Variants in ALKBH5 observed in about 807,000 individuals in gnomAD.
ALKBH5 encodes the protein RNA demethylase ALKBH5.
In ALKBH5, 2 loss-of-function variants were observed where a neutral mutation model predicts 32.1. The ratio of observed to expected loss-of-function variants is 0.06; its 90% confidence interval spans 0.03 to 0.20. The LOEUF is 0.20. Ranked by LOEUF, ALKBH5 falls within the 10% of genes least tolerant of loss-of-function variation. The pLI is 1.00. For missense variants in ALKBH5, 352 were observed against 559.5 expected, an observed-to-expected ratio of 0.63 and a Z score of 3.74; for synonymous variants, 300 against 231.7, an observed-to-expected ratio of 1.29 and a Z score of -2.68.
Position 18,185,028 on chromosome 17 carries a change from T to TGGA in ALKBH5, c.770+18_770+20dup. On this transcript the variant is annotated intron_variant, in intron 1 of 3. Transcript: ENST00000399138. ...ACTGTGCTCAGGTAACCCACCCGGG[T>TGGA]GGAGGGGGCGGCCCTGCGCCTGCTG... The TGGA allele has an allele frequency of 1.3e-6, 2 of 1,598,534 alleles. No individual in the cohort carries two copies. Among genetic ancestry groups the TGGA allele is most frequent in the Non-Finnish European group, 1.7e-6 (2 of 1,174,186 alleles).
chr17:18,185,371 C>G (rs1220517783), intron 1 of ALKBH5, among the ~76,000 whole-genome samples: 1 of 150,650 alleles, frequency 6.6e-6, no homozygotes, highest in Non-Finnish European at 1.5e-5. Flanking sequence ...TTCTGGCCTT[C>G]CATTTACAAA....
chr17:18,201,818 T>TAGAC (rs2047241226), intron 2 of ALKBH5, among the ~76,000 whole-genome samples: 1 of 80,242 alleles, frequency 1.2e-5, no homozygotes, highest in South Asian at 3.5e-4. Context: ...GATAGATAGA[T>TAGAC]AGATAGATAG....
chr17:18,206,560 A>C (rs1450668832), intron 2 of ALKBH5: 4 of 405,364 alleles, frequency 9.9e-6, no homozygotes, highest in African/African-American at 6.1e-5. Context: ...CCCCTAGGGT[A>C]GCACAGCCTG....
chr17:18,201,631 A>G (rs2047236564), intron 2 of ALKBH5, among the ~76,000 whole-genome samples: 1 of 152,082 alleles, frequency 6.6e-6, no homozygotes, highest in Admixed American at 6.6e-5. Context: ...GGTAGCATGC[A>G]TCTGTAGTCC....
chr17:18,197,533 G>C (rs1240239650), intron 2 of ALKBH5, among the ~76,000 whole-genome samples: 2 of 152,204 alleles, frequency 1.3e-5, no homozygotes. Context: ...TCCCATAATA[G>C]CTTATTTTGG....
intron 2 of ALKBH5, among the ~76,000 whole-genome samples, chr17:18,206,375 T>A (rs1412869337): frequency 2.0e-5 from 3 of 152,190 alleles, no homozygotes; most frequent in Admixed American, 6.5e-5. Context: ...GCTCTGGCTC[T>A]CTTTCTCTCC....
In ALKBH5 at chr17:18,184,513, C is replaced by T. The variant is rs565584986; in HGVS notation, c.270C>T (p.Arg90=). ...EEARKVKSGI[R]QMRLFSQDEC... ...CGCGCAAGGTGAAGAGCGGCATCCG[C>T]CAGATGCGCCTCTTCAGCCAGGACG... is the stretch of plus-strand genomic sequence containing the variant. The change falls in exon 1 of 4, where the codon CGC becomes CGT. Residue 90 remains arginine, a synonymous_variant. Coordinates refer to ENST00000399138, the MANE Select transcript of ALKBH5 (RefSeq NM_017758.4). The T allele has an allele frequency of 1.9e-6, 3 of 1,613,140 alleles. No homozygotes were observed. Among genetic ancestry groups the T allele is most frequent in the African/African-American group, 2.7e-5 (2 of 75,060 alleles).
chr17:18,192,258 C>T (rs987295530), intron 1 of ALKBH5, among the ~76,000 whole-genome samples: 2 of 152,184 alleles, frequency 1.3e-5, no homozygotes, highest in African/African-American at 4.8e-5. Flanking sequence ...TGTAGGGTGT[C>T]AGGCACCCTG....
intron 3 of ALKBH5, among the ~76,000 whole-genome samples, chr17:18,207,336 A>G (rs1411472262): frequency 6.6e-6 from 1 of 151,724 alleles, no homozygotes; most frequent in Non-Finnish European, 1.5e-5. Flanking sequence ...GATTGGATAA[A>G]AGGTATTTGA....
rs774973697 is a variant in ALKBH5, at chr17:18,184,609, C to T, written c.366C>T (p.His122=). ...CTGAGAAGGGCCTGTACAACGAGCA[C>T]ACGGTGGACCGGGCCCCACTGCGCA... ...SRAEKGLYNE[H]TVDRAPLRNK... The change falls in exon 1 of 4, where the codon CAC becomes CAT. Residue 122 remains histidine (H), a synonymous_variant. Transcript: ENST00000399138. 4.3e-6 allele frequency: 7 copies of T among 1,613,192 alleles called. No individual in the cohort carries two copies. Among genetic ancestry groups the T allele is most frequent in the Non-Finnish European group, 5.9e-6 (7 of 1,180,030 alleles).
At chr17:18,207,115 C>A in intron 3 of ALKBH5, 145 bp downstream of exon 3, 1 of 1,109,966 alleles carries the variant, frequency 9.0e-7, no homozygotes, top group Non-Finnish European at 1.3e-6. Context: ...GGGTTGGTGG[C>A]ATTGGTGACA....
At chr17:18,206,525 G>C (rs2047269775) in intron 2 of ALKBH5, 2 of 300,938 alleles carry the variant, frequency 6.6e-6, no homozygotes, top group Non-Finnish European at 1.3e-5. Context: ...GCTTGGTTCA[G>C]CTAAGAGCGA....
At chr17:18,196,086 T>G (rs2047202307) in intron 2 of ALKBH5, among the ~76,000 whole-genome samples, 1 of 152,228 alleles carries the variant, frequency 6.6e-6, no homozygotes, top group South Asian at 2.1e-4. Context: ...TATTTAGATT[T>G]CCTTAGGTTT....
chr17:18,194,435 T>C (rs1567675131), intron 1 of ALKBH5, among the ~76,000 whole-genome samples: 1 of 152,212 alleles, frequency 6.6e-6, no homozygotes, highest in Non-Finnish European at 1.5e-5. Flanking sequence ...ATTACAGGCA[T>C]GAGCCATCAC....
chr17:18,185,200 C>G (rs1208195758), intron 1 of ALKBH5, among the ~76,000 whole-genome samples, 187 bp downstream of exon 1: 2 of 152,068 alleles, frequency 1.3e-5, no homozygotes, highest in Admixed American at 1.3e-4. Context: ...AATAGGGAAC[C>G]GATGTGGAAA....
At chr17:18,187,087 G>C (rs1344322055) in intron 1 of ALKBH5, among the ~76,000 whole-genome samples, 1 of 152,078 alleles carries the variant, frequency 6.6e-6, no homozygotes, top group Non-Finnish European at 1.5e-5. Context: ...TTCCCTTCGT[G>C]TAGTTCAAGC....
rs532109750 is a variant in ALKBH5, at chr17:18,185,915, C to T, written c.770+902C>T. ...TAATGTAATTCAGTAATACCCAAAA[C>T]ATCTTAGGTTTAGACCGCAGCTGTT... On this transcript the variant is annotated intron_variant, in intron 1 of 3. Transcript: ENST00000399138. Among the ~76,000 whole-genome samples, 4 of 152,276 alleles carry T rather than the reference C, an allele frequency of 2.6e-5. No homozygotes were observed. In the East Asian group the frequency reaches 5.8e-4, roughly 22 times the overall value.
At chr17:18,204,267 C>A (rs1001286063) in intron 2 of ALKBH5, among the ~76,000 whole-genome samples, 2 of 152,062 alleles carry the variant, frequency 1.3e-5, no homozygotes, top group East Asian at 3.9e-4. Context: ...GCCTGACCAA[C>A]ATGGAGAAAC....
At position 18,208,438 on chromosome 17, in the gene ALKBH5, G is replaced by A. The variant is rs749152110; in HGVS notation, c.*42G>A. ...CCTGGGAACTCTGGCTCATCCTTACGTAGTTGCCCCTCCTTTTGTTTTGAG... is the reference window on the plus strand; with the variant it reads ...CCTGGGAACTCTGGCTCATCCTTACATAGTTGCCCCTCCTTTTGTTTTGAG... On this transcript the variant is annotated 3_prime_UTR_variant, in exon 4 of 4. Coordinates refer to ENST00000399138, the MANE Select transcript of ALKBH5 (RefSeq NM_017758.4). The A allele has an allele frequency of 8.6e-5, 138 of 1,601,332 alleles. No homozygotes were observed. Among genetic ancestry groups the A allele is most frequent in the Middle Eastern group, 6.7e-4 (4 of 5,990 alleles).
Sources: allele counts gnomAD v4.1 joint callset (sites outside exome capture counted in the v4.1 genomes callset), GRCh38; gene constraint gnomAD v4.1.1; transcripts MANE v1.5; gene names NCBI Gene and HGNC (gene_info 2026-07-23, HGNC 2026-07-21).